RUFY2: variants seen among roughly 807,000 people sequenced by gnomAD.
RUFY2 encodes the protein RUN and FYVE domain-containing protein 2.
A neutral mutation model predicts 94.4 loss-of-function variants in RUFY2; 49 were observed. The observed-to-expected ratio is 0.52, with a 90% CI of 0.41 to 0.66. RUFY2 has a LOEUF of 0.66. Among genes scored for constraint, RUFY2 ranks in the 30% least tolerant of loss-of-function variants. RUFY2 has a pLI of 0.00. For synonymous variants in RUFY2, 255 were observed against 235.7 expected, an observed-to-expected ratio of 1.08 and a Z score of -0.75; for missense variants, 541 against 692.8, an observed-to-expected ratio of 0.78 and a Z score of 2.46.
At chr10:68,387,267 G>T (rs1261377102) in intron 7 of RUFY2, among the ~76,000 whole-genome samples, 1 of 152,034 alleles carries the variant, frequency 6.6e-6, no homozygotes, top group African/African-American at 2.4e-5. Flanking sequence ...TGAGGCAGGA[G>T]AATCACTTGA....
At chr10:68,341,732 A>G, downstream of RUFY2, 2 of 1,586,336 alleles carry the variant, frequency 1.3e-6, no homozygotes, top group Non-Finnish European at 1.7e-6. Flanking sequence ...GATGAGTCTC[A>G]ATTTTTTTTC....
rs2047527903 is a variant in RUFY2, at chr10:68,362,574, T to A, written c.1550+1016A>T. ...TGGGAGGCTCAGGTGGGAGGACTGC[T>A]TGAGGTCAGGAGTTTGAGACCAGCC... On this transcript the variant is annotated intron_variant, in intron 15 of 17. Transcript: ENST00000602465. Among the ~76,000 whole-genome samples the A allele has an allele frequency of 2.6e-5, 4 of 151,848 alleles. No individual in the cohort carries two copies. The South Asian group carries it at 8.3e-4, about 32-fold the overall frequency.
intron 11 of RUFY2, among the ~76,000 whole-genome samples, chr10:68,380,289 G>A (rs1018598112): frequency 2.0e-5 from 3 of 151,906 alleles, no homozygotes; most frequent in African/African-American, 7.3e-5. Context: ...TGGCTCTTTG[G>A]GAGGCCTTTG....
intron 15 of RUFY2, among the ~76,000 whole-genome samples, chr10:68,360,230 G>T (rs2047365347): frequency 6.6e-6 from 1 of 151,748 alleles, no homozygotes. Context: ...TTGAGCCCAG[G>T]AGTTTGAGAC....
chr10:68,353,256 G>A (rs1047685029), intron 16 of RUFY2, among the ~76,000 whole-genome samples: 2 of 151,428 alleles, frequency 1.3e-5, no homozygotes, highest in African/African-American at 4.9e-5. Context: ...TCTTGAAGCC[G>A]GGAGGCGGAG....
downstream of RUFY2, chr10:68,341,751 T>C (rs1406726988): frequency 6.3e-7 from 1 of 1,595,564 alleles, no homozygotes; most frequent in East Asian, 2.2e-5. Context: ...TCTTTTTTCT[T>C]TTTAAAGATA....
intron 7 of RUFY2, among the ~76,000 whole-genome samples, chr10:68,392,710 C>G (rs958966245): frequency 1.3e-5 from 2 of 149,196 alleles, no homozygotes; most frequent in African/African-American, 5.0e-5. Context: ...ATCACAGGGT[C>G]AGGAGATTGA....
intron 2 of RUFY2, 102 bp downstream of exon 2, chr10:68,404,569 T>C: frequency 1.1e-5 from 7 of 659,058 alleles, no homozygotes; most frequent in Non-Finnish European, 1.6e-5. Flanking sequence ...TATTTTTTAG[T>C]GCACAGTAAC....
At position 68,403,005 on chromosome 10, in the gene RUFY2, C is replaced by G. The variant is rs900385774; in HGVS notation, c.179-1268G>C. Among the ~76,000 whole-genome samples, 6 of 150,148 alleles carry G rather than the reference C, an allele frequency of 4.0e-5. No individual in the cohort carries two copies. The South Asian group carries it at 1.3e-3, about 32-fold the overall frequency. ...GGACTACAGGCATGCAGCACCACACCCAGCTAATTTTTGTATTTTTAGTAG... is the reference window on the plus strand; with the variant it reads ...GGACTACAGGCATGCAGCACCACACGCAGCTAATTTTTGTATTTTTAGTAG... On this transcript the variant is annotated intron_variant, in intron 2 of 17. Transcript: ENST00000602465.
At position 68,389,498 on chromosome 10, in the gene RUFY2, G is replaced by A. The variant is rs1042959122; in HGVS notation, c.651-3370C>T. ...TCCCCTACTCAGGAGCCTGAGGCAGGAGAATCACTTGAAACTGGAAGGCGG... is the reference window on the plus strand; with the variant it reads ...TCCCCTACTCAGGAGCCTGAGGCAGAAGAATCACTTGAAACTGGAAGGCGG... On this transcript the variant is annotated intron_variant, in intron 7 of 17. Coordinates refer to ENST00000602465, the MANE Select transcript of RUFY2 (RefSeq NM_001330103.2). 3.9e-5 allele frequency among the ~76,000 whole-genome samples: 6 copies of A among 152,036 alleles called. No individual in the cohort carries two copies. In the South Asian group the frequency reaches 1.0e-3, roughly 26 times the overall value.
rs373851012 is a variant in RUFY2, at chr10:68,352,531, C to T, written c.1599+2822G>A. Among the ~76,000 whole-genome samples the T allele has an allele frequency of 8.9e-4, 136 of 152,266 alleles. 3 individuals carry two copies. The South Asian group carries it at 9.3e-3, about 10-fold the overall frequency. On this transcript the variant is annotated intron_variant, in intron 16 of 17. Transcript: ENST00000602465. ...GAAAAAATAATGACGTAACCAAGTA[C>T]CTGATATATTTTACCATGTGGAAAA...
chr10:68,400,740 C>T (rs1470468450), intron 3 of RUFY2, among the ~76,000 whole-genome samples: 1 of 150,962 alleles, frequency 6.6e-6, no homozygotes, highest in African/African-American at 2.4e-5. Flanking sequence ...AGGCTTGGCG[C>T]GGTGGCTCAC....
rs1444603126 is a variant in RUFY2 at position 68,405,131 on chromosome 10, G to A, written c.5-287C>T. 2.6e-5 allele frequency among the ~76,000 whole-genome samples: 4 copies of A among 152,146 alleles called. No individual in the cohort carries two copies. In the East Asian group the frequency reaches 5.8e-4, roughly 22 times the overall value. On this transcript the variant is annotated intron_variant, in intron 1 of 17. Coordinates refer to ENST00000602465, the MANE Select transcript of RUFY2 (RefSeq NM_001330103.2). ...AGATTGAGACCATCCTGGCCAACAT[G>A]GTGAAACCCCGTCTCTACTAAAAAT...
chr10:68,404,027 C>A (rs2051076390), intron 2 of RUFY2, among the ~76,000 whole-genome samples: 3 of 152,174 alleles, frequency 2.0e-5, no homozygotes, highest in Admixed American at 6.6e-5. Context: ...ACAACTCTTA[C>A]ATAGCCCTCT....
intron 12 of RUFY2, among the ~76,000 whole-genome samples, chr10:68,378,981 G>A (rs1203949413): frequency 2.0e-5 from 3 of 152,176 alleles, no homozygotes; most frequent in Non-Finnish European, 4.4e-5. Context: ...CGGTTGGGTT[G>A]AGGGTCCTAG....
chr10:68,368,204 T>A (rs191748631), intron 13 of RUFY2, among the ~76,000 whole-genome samples: 2 of 151,218 alleles, frequency 1.3e-5, no homozygotes, highest in African/African-American at 4.8e-5. Flanking sequence ...CTTGACCTCA[T>A]GATCCGCCTG....
At chr10:68,346,300 A>G in intron 16 of RUFY2, 1 of 463,628 alleles carries the variant, frequency 2.2e-6, no homozygotes. Flanking sequence ...TATAAAAAAC[A>G]AGATTGCAGC....
intron 13 of RUFY2, among the ~76,000 whole-genome samples, chr10:68,370,843 A>C (rs2048216622): frequency 6.6e-6 from 1 of 152,130 alleles, no homozygotes; most frequent in South Asian, 2.1e-4. Flanking sequence ...TACTAAAAAA[A>C]AAAGGTCAGC....
intron 12 of RUFY2, chr10:68,379,015 C>G: frequency 3.5e-6 from 1 of 282,432 alleles, no homozygotes. Flanking sequence ...AACTAAACCA[C>G]CAATTCGGAA....
Sources: gnomAD v4.1 joint callset for allele counts (sites outside exome capture counted in the v4.1 genomes callset) on GRCh38, gnomAD v4.1.1 for gene constraint, MANE v1.5 for transcripts, NCBI Gene and HGNC (gene_info 2026-07-23, HGNC 2026-07-21) for gene names.